DIPK1A: variants seen among roughly 807,000 people sequenced by gnomAD.
DIPK1A encodes the protein family with sequence similarity 69 member A.
A neutral mutation model predicts 40.8 loss-of-function variants in DIPK1A; 27 were observed. The ratio of observed to expected loss-of-function variants is 0.66; its 90% CI spans 0.49 to 0.91. The LOEUF is 0.91. DIPK1A is among the 40% of genes least tolerant of loss of function. The pLI, the probability that DIPK1A is intolerant of heterozygous loss-of-function variation, is 0.00. For missense variants in DIPK1A, 412 were observed against 505.7 expected (o/e 0.81, Z 1.78); for synonymous variants, 166 against 171.3 (o/e 0.97, Z 0.24).
chr1:92,840,867 G>C (rs1183369503), downstream of DIPK1A: 1 of 637,568 alleles, frequency 1.6e-6, no homozygotes, highest in Non-Finnish European at 2.9e-6. Flanking sequence ...ACTGGTTACT[G>C]CATTTTTTTA....
chr1:92,927,482 C>A (rs980039427), intron 1 of DIPK1A, among the ~76,000 whole-genome samples: 5 of 149,350 alleles, frequency 3.3e-5, no homozygotes, highest in Non-Finnish European at 7.4e-5. Context: ...GCTGGGATTA[C>A]AGGCATGAGC....
In DIPK1A at chr1:92,926,069, A is replaced by T. The variant is rs768202030; in HGVS notation, c.54+35307T>A. On this transcript the variant is annotated intron_variant, in intron 1 of 4. Coordinates refer to ENST00000370310, the MANE Select transcript of DIPK1A (RefSeq NM_001006605.5). Reference sequence around the variant, plus strand: ...GTCTCTGTTGTCTATTTTCTAATTAATTGATATCTGCTATTGTCTTTACTT... The same window carrying T: ...GTCTCTGTTGTCTATTTTCTAATTATTTGATATCTGCTATTGTCTTTACTT... Among the ~76,000 whole-genome samples the T allele has an allele frequency of 7.0e-4, 106 of 152,036 alleles. 1 individual carries two copies. The highest frequency in any genetic ancestry group is 9.7e-4 in the Non-Finnish European group (66 of 68,010).
chr1:92,940,440 T>A (rs1388580641), intron 1 of DIPK1A, among the ~76,000 whole-genome samples: 4 of 152,244 alleles, frequency 2.6e-5, no homozygotes, highest in African/African-American at 9.6e-5. Flanking sequence ...ATATTTTATG[T>A]GATTATCATT....
At chr1:92,959,428 CA>C (rs1191146593) in intron 1 of DIPK1A, among the ~76,000 whole-genome samples, 2 of 146,894 alleles carry the variant, frequency 1.4e-5, no homozygotes, top group African/African-American at 2.5e-5. Flanking sequence ...TGAAGGTATA[CA>C]AATTTCCACA....
At chr1:92,896,609 T>C (rs1194446193) in intron 1 of DIPK1A, among the ~76,000 whole-genome samples, 28 of 148,442 alleles carry the variant, frequency 1.9e-4, no homozygotes, top group African/African-American at 6.4e-4. Flanking sequence ...GGACTTCGTG[T>C]CTAAAACACC....
chr1:92,893,680 A>G (rs1430778614), intron 1 of DIPK1A, among the ~76,000 whole-genome samples: 1 of 151,348 alleles, frequency 6.6e-6, no homozygotes, highest in Non-Finnish European at 1.5e-5. Context: ...AATGGGCTAA[A>G]TGCTCCAATT....
chr1:92,943,555 CATT>C (rs746481734), intron 1 of DIPK1A, among the ~76,000 whole-genome samples: 98 of 152,098 alleles, frequency 6.4e-4, no homozygotes, highest in Non-Finnish European at 2.8e-4. Context: ...GGCAGCCTAG[CATT>C]AACCCTTACT....
At chr1:92,892,584 AG>A (rs1648943432) in intron 1 of DIPK1A, among the ~76,000 whole-genome samples, 1 of 152,134 alleles carries the variant, frequency 6.6e-6, no homozygotes, top group Admixed American at 6.5e-5. Context: ...AATTCTAAAA[AG>A]CAGAGTGCCT....
intron 1 of DIPK1A, among the ~76,000 whole-genome samples, chr1:92,950,223 A>G (rs1192806222): frequency 3.3e-5 from 5 of 152,244 alleles, no homozygotes; most frequent in African/African-American, 1.2e-4. Flanking sequence ...GGGAAAGGAC[A>G]TTCTAAGGCA....
At chr1:92,900,770 T>C (rs1649381348) in intron 1 of DIPK1A, among the ~76,000 whole-genome samples, 1 of 152,214 alleles carries the variant, frequency 6.6e-6, no homozygotes, top group South Asian at 2.1e-4. Flanking sequence ...GGTAGAATTA[T>C]AGCTACAACC....
At chr1:92,917,891 G>A (rs1300784502) in intron 1 of DIPK1A, among the ~76,000 whole-genome samples, 2 of 152,152 alleles carry the variant, frequency 1.3e-5, no homozygotes, top group African/African-American at 2.4e-5. Flanking sequence ...TGGACTGAGA[G>A]TAGTTTGGCA....
intron 1 of DIPK1A, among the ~76,000 whole-genome samples, chr1:92,911,599 G>A (rs539826093): frequency 6.6e-6 from 1 of 152,036 alleles, no homozygotes; most frequent in Admixed American, 6.6e-5. Flanking sequence ...TCCACTTTTG[G>A]GGTATTACAA....
At chr1:92,914,539 G>A (rs529943014) in intron 1 of DIPK1A, among the ~76,000 whole-genome samples, 1 of 152,140 alleles carries the variant, frequency 6.6e-6, no homozygotes, top group African/African-American at 2.4e-5. Flanking sequence ...GGAGGCCGAG[G>A]TGGGTGATCA....
At chr1:92,838,165 T>C (rs1687199563), downstream of DIPK1A, among the ~76,000 whole-genome samples, 1 of 152,236 alleles carries the variant, frequency 6.6e-6, no homozygotes, top group African/African-American at 2.4e-5. Context: ...TATTTTGGCA[T>C]AGCTATTGGT....
chr1:92,921,654 A>G (rs1335979203), intron 1 of DIPK1A, among the ~76,000 whole-genome samples: 1 of 152,190 alleles, frequency 6.6e-6, no homozygotes, highest in African/African-American at 2.4e-5. Flanking sequence ...GAGAAAGACC[A>G]GCTCCTCGGA....
chr1:92,901,998 C>T (rs1649432170), intron 1 of DIPK1A, among the ~76,000 whole-genome samples: 1 of 152,056 alleles, frequency 6.6e-6, no homozygotes, highest in Admixed American at 6.6e-5. Context: ...GTACTGATTA[C>T]CTAGGGGGTG....
At chr1:92,869,065 C>A (rs1647706075) in intron 2 of DIPK1A, among the ~76,000 whole-genome samples, 1 of 151,142 alleles carries the variant, frequency 6.6e-6, no homozygotes, top group Non-Finnish European at 1.5e-5. Flanking sequence ...AAATATTTAA[C>A]TGACTGATAG....
intron 1 of DIPK1A, among the ~76,000 whole-genome samples, chr1:92,898,587 A>G (rs996358566): frequency 6.6e-6 from 1 of 152,126 alleles, no homozygotes; most frequent in African/African-American, 2.4e-5. Context: ...GGATTCTCTG[A>G]TCTCAGCCTC....
At chr1:92,910,678 A>T (rs1457004170) in intron 1 of DIPK1A, among the ~76,000 whole-genome samples, 1 of 152,132 alleles carries the variant, frequency 6.6e-6, no homozygotes, top group Non-Finnish European at 1.5e-5. Context: ...ATTTTACTTA[A>T]AATTGCATTT....
Sources: gnomAD v4.1 joint callset for allele counts (sites outside exome capture counted in the v4.1 genomes callset) on GRCh38, gnomAD v4.1.1 for gene constraint, MANE v1.5 for transcripts, NCBI Gene and HGNC (gene_info 2026-07-23, HGNC 2026-07-21) for gene names.